FHIT: variants seen among roughly 807,000 people sequenced by gnomAD.
The protein encoded by FHIT is fragile histidine triad diadenosine triphosphatase, also known as bis(5'-adenosyl)-triphosphatase.
Under a neutral mutation model 17.9 loss-of-function variants are expected in FHIT, and 19 were observed. That is an observed-to-expected ratio of 1.06 (90% CI 0.74 to 1.56). The LOEUF (loss-of-function observed/expected upper bound fraction) is 1.56, where lower values mean the gene tolerates loss of function less well. Ranked by LOEUF, FHIT falls within the 40% of genes most tolerant of loss-of-function variation. FHIT has a pLI of 0.00. For synonymous variants in FHIT, 81 were observed against 69.7 expected (o/e 1.16, Z -0.81); for missense variants, 248 against 189.2 (o/e 1.31, Z -1.82).
At chr3:60,119,564 T>C (rs571972910) in intron 5 of FHIT, among the ~76,000 whole-genome samples, 3 of 152,300 alleles carry the variant, frequency 2.0e-5, no homozygotes, top group East Asian at 3.9e-4. Flanking sequence ...TATTGTTTCT[T>C]TGAAACAAGG....
chr3:60,401,343 C>G (rs1039059020), intron 5 of FHIT, among the ~76,000 whole-genome samples: 7 of 152,186 alleles, frequency 4.6e-5, no homozygotes, highest in African/African-American at 1.4e-4. Context: ...TCCTGATCTG[C>G]ATCCTGGGAA....
chr3:60,393,487 C>T (rs1701312688), intron 5 of FHIT, among the ~76,000 whole-genome samples: 1 of 151,100 alleles, frequency 6.6e-6, no homozygotes, highest in African/African-American at 2.4e-5. Context: ...CATATATACA[C>T]TTCTACAAAG....
chr3:59,879,833 C>T (rs1471360480), intron 8 of FHIT, among the ~76,000 whole-genome samples: 1 of 152,102 alleles, frequency 6.6e-6, no homozygotes, highest in Non-Finnish European at 1.5e-5. Flanking sequence ...ATGAACTCTC[C>T]TCCAATACTT....
At chr3:60,465,239 ATTGT>A (rs56934942) in intron 5 of FHIT, among the ~76,000 whole-genome samples, 6,115 of 151,882 alleles carry the variant, frequency 0.04, 395 homozygotes, top group African/African-American at 0.14. Flanking sequence ...TTCCTATGGA[ATTGT>A]TTGAGCTCCT....
At chr3:60,926,108 G>C (rs1441874887) in intron 3 of FHIT, among the ~76,000 whole-genome samples, 14 of 152,094 alleles carry the variant, frequency 9.2e-5, no homozygotes, top group African/African-American at 1.2e-4. Flanking sequence ...ATAATAATGG[G>C]AGACTTTAAC....
chr3:60,919,987 T>C (rs1159823684), intron 3 of FHIT, among the ~76,000 whole-genome samples: 1 of 151,610 alleles, frequency 6.6e-6, no homozygotes, highest in Non-Finnish European at 1.5e-5. Flanking sequence ...TGAGCCGAGA[T>C]TGCACCACTG....
Position 61,070,502 on chromosome 3 carries a change from C to A in FHIT, c.-163-28403G>T, listed in dbSNP as rs529299575. ...ATGGACAGACTTGTGTGGAAATTTG[C>A]AGATCTTGGCTGCTTCTAATTCATT... On this transcript the variant is annotated intron_variant, in intron 2 of 9. Transcript: ENST00000492590. 3.3e-5 allele frequency among the ~76,000 whole-genome samples: 5 copies of A among 152,288 alleles called. No individual in the cohort carries two copies. In the East Asian group the frequency reaches 7.7e-4, roughly 24 times the overall value.
intron 5 of FHIT, among the ~76,000 whole-genome samples, chr3:60,100,798 T>C (rs1219139677): frequency 6.6e-6 from 1 of 152,144 alleles, no homozygotes; most frequent in Non-Finnish European, 1.5e-5. Flanking sequence ...CACCATCATC[T>C]ATGTCAATCA....
intron 3 of FHIT, among the ~76,000 whole-genome samples, chr3:60,993,037 C>A (rs957488117): frequency 6.6e-6 from 1 of 152,022 alleles, no homozygotes; most frequent in Non-Finnish European, 1.5e-5. Flanking sequence ...TAAGATCAGC[C>A]GAAAATGTGC....
At chr3:61,040,912 T>C (rs1040964744) in intron 3 of FHIT, among the ~76,000 whole-genome samples, 1 of 152,156 alleles carries the variant, frequency 6.6e-6, no homozygotes, top group African/African-American at 2.4e-5. Context: ...AGGGAGCATG[T>C]CCATAAATCA....
chr3:60,023,309 T>G (rs1700619086), intron 5 of FHIT, among the ~76,000 whole-genome samples: 1 of 152,204 alleles, frequency 6.6e-6, no homozygotes, highest in South Asian at 2.1e-4. Flanking sequence ...GAAAACCACA[T>G]GCAACATAAA....
intron 4 of FHIT, among the ~76,000 whole-genome samples, chr3:60,716,719 G>T (rs180899608): frequency 1.4e-4 from 22 of 152,308 alleles, no homozygotes; most frequent in Non-Finnish European, 2.9e-4. Flanking sequence ...CAAGTATTAT[G>T]TACTGTATGT....
chr3:60,726,808 C>A (rs1553709692), intron 4 of FHIT, among the ~76,000 whole-genome samples: 1 of 152,098 alleles, frequency 6.6e-6, no homozygotes, highest in South Asian at 2.1e-4. Context: ...TGCTAATTGA[C>A]CTGCTTAAGA....
chr3:60,359,431 C>T (rs372674648), intron 5 of FHIT, among the ~76,000 whole-genome samples: 8 of 151,922 alleles, frequency 5.3e-5, no homozygotes, highest in African/African-American at 1.9e-4. Flanking sequence ...CAGGTGTGTG[C>T]CACCATGTCC....
intron 4 of FHIT, among the ~76,000 whole-genome samples, chr3:60,792,682 G>A (rs752405811): frequency 1.3e-5 from 2 of 152,176 alleles, no homozygotes; most frequent in Non-Finnish European, 2.9e-5. Flanking sequence ...AGGCACCACT[G>A]CAATCTATGA....
rs114611032 is a variant in FHIT, at chr3:61,047,414, C to T, written c.-163-5315G>A. On this transcript the variant is annotated intron_variant, in intron 2 of 9. Transcript: ENST00000492590. ...AAAGAGAATAAAATGCCTAGGAATG[C>T]AACTTACAAAAGATGTGAAGAACCT... Among the ~76,000 whole-genome samples the T allele has an allele frequency of 7.6e-3, 1,157 of 152,214 alleles. 17 individuals carry two copies. The highest frequency in any genetic ancestry group is 0.025 in the African/African-American group (1,027 of 41,522).
At chr3:60,226,908 A>G (rs916695347) in intron 5 of FHIT, among the ~76,000 whole-genome samples, 2 of 152,130 alleles carry the variant, frequency 1.3e-5, no homozygotes, top group Non-Finnish European at 2.9e-5. Context: ...ACATCTATCT[A>G]CCTAACGTAG....
At chr3:59,773,429 C>T (rs1159957516) in intron 8 of FHIT, among the ~76,000 whole-genome samples, 1 of 152,160 alleles carries the variant, frequency 6.6e-6, no homozygotes, top group African/African-American at 2.4e-5. Flanking sequence ...TGTATTGTCA[C>T]AAAAATCTAG....
chr3:59,767,358 G>A (rs1701852577), intron 8 of FHIT, among the ~76,000 whole-genome samples: 1 of 152,140 alleles, frequency 6.6e-6, no homozygotes, highest in Non-Finnish European at 1.5e-5. Flanking sequence ...AATTAGCCAG[G>A]TGGGGTGGTG....
Sources: gnomAD v4.1 joint callset for allele counts (sites outside exome capture counted in the v4.1 genomes callset) on GRCh38, gnomAD v4.1.1 for gene constraint, MANE v1.5 for transcripts, NCBI Gene and HGNC (gene_info 2026-07-23, HGNC 2026-07-21) for gene names.